The following AFF2 variants were observed in gnomAD, a reference collection of about 807,000 sequenced individuals.
The protein encoded by AFF2 is AF4/FMR2 family member 2.
Under a neutral mutation model 76.9 loss-of-function variants are expected in AFF2, and 14 were observed. The ratio of observed to expected loss-of-function variants is 0.18; its 90% CI spans 0.12 to 0.28. The LOEUF (loss-of-function observed/expected upper bound fraction) is 0.28. AFF2 is among the 10% of genes least tolerant of loss of function. The pLI is 1.00. For missense variants in AFF2, 868 were observed against 1,001.1 expected, an observed-to-expected ratio of 0.87 and a Z score of 1.79; for synonymous variants, 398 against 366.7, an observed-to-expected ratio of 1.09 and a Z score of -0.98.
Position 148,500,943 on chromosome X carries a change from C to A in AFF2, c.-155C>A. On this transcript the variant is annotated 5_prime_UTR_variant, in exon 1 of 21. Transcript: ENST00000370460. ...CACAGGACCAGACACCTCCAGCGCCCGCTGCTGCTGCCGATGCGGCCCGGA... is the reference window on the plus strand; with the variant it reads ...CACAGGACCAGACACCTCCAGCGCCAGCTGCTGCTGCCGATGCGGCCCGGA... 1.5e-6 allele frequency: 1 copy of A among 665,543 alleles called. No homozygotes were observed. The highest frequency in any genetic ancestry group is 2.1e-6 in the Non-Finnish European group (1 of 466,821). 54.8% of individuals were successfully genotyped at this position (665,543 alleles called of 1,213,427 possible). A position where few individuals can be genotyped will look rare whatever the true frequency, so the allele number is the denominator to read the frequency against.
intron 1 of AFF2, among the ~76,000 whole-genome samples, chrX:148,567,873 T>A (rs1431099676): frequency 8.9e-6 from 1 of 111,957 alleles, no homozygotes; most frequent in Non-Finnish European, 1.9e-5. Context: ...TCTTTCTTGT[T>A]TCTATAGAAA....
intron 1 of AFF2, among the ~76,000 whole-genome samples, chrX:148,625,281 T>C (rs1429319391): frequency 1.8e-5 from 2 of 111,354 alleles, no homozygotes; most frequent in Admixed American, 9.6e-5. Context: ...AGGTGCAAGA[T>C]TGATGTGTCC....
intron 3 of AFF2, among the ~76,000 whole-genome samples, chrX:148,675,887 C>A (rs782110612): frequency 9.1e-6 from 1 of 109,950 alleles, no homozygotes; most frequent in South Asian, 3.9e-4. Context: ...AGGGCCTACA[C>A]CAGAGATGTA....
At chrX:148,849,139 A>T (rs782427232) in intron 7 of AFF2, among the ~76,000 whole-genome samples, 1 of 111,331 alleles carries the variant, frequency 9.0e-6, no homozygotes, top group African/African-American at 3.3e-5. Flanking sequence ...CCGGGGCTTG[A>T]TGGGTACCAA....
chrX:148,662,899 G>T (rs2054322688), intron 3 of AFF2, 131 bp downstream of exon 3: 3 of 702,285 alleles, frequency 4.3e-6, no homozygotes, highest in Admixed American at 8.1e-5. Context: ...CAAGTTCAGG[G>T]TCTGAATTTT....
At chrX:148,975,470 G>A (rs1459175561) in intron 16 of AFF2, among the ~76,000 whole-genome samples, 1 of 111,588 alleles carries the variant, frequency 9.0e-6, no homozygotes, top group African/African-American at 3.3e-5. Flanking sequence ...AAATAAAATC[G>A]AGCTGCAGAA....
intron 1 of AFF2, among the ~76,000 whole-genome samples, chrX:148,543,459 G>A (rs1227301233): frequency 9.0e-6 from 1 of 111,134 alleles, no homozygotes; most frequent in Non-Finnish European, 1.9e-5. Flanking sequence ...TGGGAGATAA[G>A]CACTGTCTTC....
chrX:148,968,783 C>G (rs1027056648), intron 15 of AFF2, among the ~76,000 whole-genome samples: 1 of 112,289 alleles, frequency 8.9e-6, no homozygotes, highest in Admixed American at 9.4e-5. Context: ...TTTTCCCCTG[C>G]TCCTGCAGAC....
chrX:148,916,071 C>T (rs1557282517), intron 9 of AFF2, among the ~76,000 whole-genome samples: 2 of 111,666 alleles, frequency 1.8e-5, no homozygotes, highest in African/African-American at 6.5e-5. Context: ...TGTGCCCTTC[C>T]TGCAAGGATG....
rs148208210 is a variant in AFF2, at chrX:148,545,914, A to C, written c.47+44770A>C. Among the ~76,000 whole-genome samples, 313 of 111,441 alleles carry C rather than the reference A, an allele frequency of 2.8e-3. 1 individual carries two copies. The East Asian group carries it at 0.033, about 12-fold the overall frequency. On this transcript the variant is annotated intron_variant, in intron 1 of 20. Coordinates refer to ENST00000370460, the MANE Select transcript of AFF2 (RefSeq NM_002025.4). ...ATTAATGTGTTGATTAACATCAATA[A>C]ATTTCTTAATATTGTAATATTTTAC...
At chrX:148,806,234 A>G (rs1270315305) in intron 3 of AFF2, among the ~76,000 whole-genome samples, 1 of 112,174 alleles carries the variant, frequency 8.9e-6, no homozygotes, top group Non-Finnish European at 1.9e-5. Flanking sequence ...AGTGCAAGAG[A>G]ATAGCATTTG....
At chrX:148,709,690 C>T (rs2054938394) in intron 3 of AFF2, among the ~76,000 whole-genome samples, 3 of 112,031 alleles carry the variant, frequency 2.7e-5, no homozygotes, top group African/African-American at 9.7e-5. Flanking sequence ...GGCAAGTGCA[C>T]ACACATAGTG....
At chrX:148,501,237 T>A (rs1557231793) in intron 1 of AFF2, 93 bp downstream of exon 1, 1 of 1,094,527 alleles carries the variant, frequency 9.1e-7, no homozygotes, top group Non-Finnish European at 1.2e-6. Flanking sequence ...GAAGCTGTCG[T>A]GGGGGGCGCC....
At chrX:148,642,022 C>T (rs2054094014) in intron 1 of AFF2, among the ~76,000 whole-genome samples, 1 of 112,413 alleles carries the variant, frequency 8.9e-6, no homozygotes, top group South Asian at 3.6e-4. Context: ...AACAGGGTTA[C>T]CCTGATTCTA....
chrX:148,548,219 G>GTATGTAAAGGTAGGTATGT (rs2052947649), intron 1 of AFF2, among the ~76,000 whole-genome samples: 1 of 111,477 alleles, frequency 9.0e-6, no homozygotes, highest in Admixed American at 9.5e-5. Context: ...CCTACCTATG[G>GTATGTAAAGGTAGGTATGT]CCCTTGGACA....
At chrX:148,821,456 C>A (rs1324191343) in intron 4 of AFF2, among the ~76,000 whole-genome samples, 1 of 110,851 alleles carries the variant, frequency 9.0e-6, no homozygotes, top group African/African-American at 3.3e-5. Flanking sequence ...CTTTATGTCA[C>A]CACTCATGCC....
chrX:148,690,379 A>C (rs1481240555), intron 3 of AFF2, among the ~76,000 whole-genome samples: 4 of 112,288 alleles, frequency 3.6e-5, no homozygotes, highest in African/African-American at 1.3e-4. Context: ...GGACCATAGA[A>C]TCATAGAACC....
At chrX:148,757,103 C>G (rs1386651335) in intron 3 of AFF2, among the ~76,000 whole-genome samples, 4 of 112,403 alleles carry the variant, frequency 3.6e-5, no homozygotes, top group Non-Finnish European at 7.5e-5. Context: ...ATAGTACTGG[C>G]CGCCATGGCC....
intron 1 of AFF2, among the ~76,000 whole-genome samples, chrX:148,518,543 T>G (rs782816791): frequency 3.6e-5 from 4 of 112,225 alleles, no homozygotes; most frequent in Non-Finnish European, 7.5e-5. Context: ...GAAAAAGTGG[T>G]GTGTTGTGTT....
Sources: allele counts gnomAD v4.1 joint callset (sites outside exome capture counted in the v4.1 genomes callset), GRCh38; gene constraint gnomAD v4.1.1; transcripts MANE v1.5; gene names NCBI Gene and HGNC (gene_info 2026-07-23, HGNC 2026-07-21).